The following CPAP variants were observed in gnomAD, a reference collection of about 807,000 sequenced individuals.
CPAP encodes the protein centrosomal P4.1-associated protein.
chr13:24,913,492 T>G, the CPAP span, among the ~76,000 whole-genome samples: 1 of 152,162 alleles, frequency 6.6e-6, no homozygotes, highest in South Asian at 2.1e-4. Context: ...GGTGAACCTG[T>G]TTTCTCCCTA....
chr13:24,919,485 T>G, the CPAP span, among the ~76,000 whole-genome samples: 1 of 152,000 alleles, frequency 6.6e-6, no homozygotes, highest in Non-Finnish European at 1.5e-5. Flanking sequence ...AGTGGCATGA[T>G]CACGGCTCAG....
chr13:24,896,449 A>G, the CPAP span, among the ~76,000 whole-genome samples: 1 of 152,258 alleles, frequency 6.6e-6, no homozygotes, highest in Non-Finnish European at 1.5e-5. Context: ...CTGGAAATGT[A>G]GCTAATGGGA....
At chr13:24,914,197 G>A in the CPAP span, among the ~76,000 whole-genome samples, 1 of 152,174 alleles carries the variant, frequency 6.6e-6, no homozygotes, top group Admixed American at 6.5e-5. Context: ...CCAAGGGATG[G>A]AGAAGGTACA....
chr13:24,907,312 T>C, the CPAP span: 1 of 776,004 alleles, frequency 1.3e-6, no homozygotes, highest in Non-Finnish European at 2.2e-6. Flanking sequence ...CCAAAATCAG[T>C]GCCTCCCTTT....
the CPAP span, chr13:24,906,449 G>T: frequency 1.2e-6 from 2 of 1,614,186 alleles, no homozygotes. Context: ...GGCCGGCCCT[G>T]TTGAAAGAGG....
the CPAP span, chr13:24,903,888 A>T: frequency 6.2e-7 from 1 of 1,604,972 alleles, no homozygotes; most frequent in African/African-American, 1.3e-5. Flanking sequence ...TAACTGAGTC[A>T]CTGCATATTT....
the CPAP span, among the ~76,000 whole-genome samples, chr13:24,884,762 TTC>T: frequency 6.6e-6 from 1 of 152,204 alleles, no homozygotes; most frequent in Non-Finnish European, 1.5e-5. Flanking sequence ...TTCTTTGTCC[TTC>T]TCTCATTCCT....
the CPAP span, chr13:24,882,775 C>CA: frequency 5.3e-6 from 1 of 190,332 alleles, no homozygotes. Context: ...GCTACAGAGA[C>CA]ACGTGTTTAC....
chr13:24,906,486 T>A, the CPAP span: 1 of 1,614,230 alleles, frequency 6.2e-7, no homozygotes, highest in Non-Finnish European at 8.5e-7. Context: ...TGTGTCTTAT[T>A]CCACCCTGTG....
At chr13:24,897,763 C>T in the CPAP span, among the ~76,000 whole-genome samples, 3 of 152,136 alleles carry the variant, frequency 2.0e-5, no homozygotes, top group South Asian at 2.1e-4. Context: ...CTGGCTGCCT[C>T]GAGAGGTGAA....
the CPAP span, among the ~76,000 whole-genome samples, chr13:24,925,210 C>G: frequency 6.6e-6 from 1 of 152,166 alleles, no homozygotes; most frequent in Non-Finnish European, 1.5e-5. Flanking sequence ...CTCGTAGGCT[C>G]AAGCAGTCCT....
the CPAP span, chr13:24,903,788 T>C: frequency 2.0e-6 from 2 of 1,006,444 alleles, no homozygotes. Context: ...TAAAAAAAAC[T>C]TATATGATAC....
At chr13:24,895,622 A>C in the CPAP span, among the ~76,000 whole-genome samples, 1 of 152,220 alleles carries the variant, frequency 6.6e-6, no homozygotes, top group Non-Finnish European at 1.5e-5. Flanking sequence ...AAGAAAGCCA[A>C]AACCAAACAG....
the CPAP span, chr13:24,905,423 G>C: frequency 1.3e-5 from 21 of 1,614,040 alleles, no homozygotes; most frequent in African/African-American, 2.4e-4. Context: ...TGGTTTCAAA[G>C]AAGGAAAGAA....
At chr13:24,883,775 C>CA in the CPAP span, among the ~76,000 whole-genome samples, 3 of 151,954 alleles carry the variant, frequency 2.0e-5, no homozygotes, top group Non-Finnish European at 4.4e-5. Context: ...AAGAATGGAA[C>CA]AAAAAAGGAG....
At chr13:24,886,420 A>G in the CPAP span, 1 of 1,221,458 alleles carries the variant, frequency 8.2e-7, no homozygotes, top group East Asian at 5.7e-5. Context: ...ACACCATGGG[A>G]AATCACTGAT....
the CPAP span, among the ~76,000 whole-genome samples, chr13:24,903,009 T>G: frequency 6.6e-6 from 1 of 152,206 alleles, no homozygotes; most frequent in Non-Finnish European, 1.5e-5. Flanking sequence ...TAAAAAGTAC[T>G]AGTATGTTCC....
At chr13:24,923,244 GTTT>G in the CPAP span, among the ~76,000 whole-genome samples, 2 of 146,460 alleles carry the variant, frequency 1.4e-5, no homozygotes, top group African/African-American at 2.5e-5. Context: ...TTTGGGTTTT[GTTT>G]TTTTTTTTTC....
the CPAP span, among the ~76,000 whole-genome samples, chr13:24,927,430 G>A: frequency 1.3e-5 from 2 of 152,182 alleles, no homozygotes; most frequent in Non-Finnish European, 2.9e-5. Context: ...ATAAAGTCTG[G>A]TAAATGGAGA....
Sources: allele counts gnomAD v4.1 joint callset (sites outside exome capture counted in the v4.1 genomes callset), GRCh38; gene constraint gnomAD v4.1.1; transcripts MANE v1.5; gene names NCBI Gene and HGNC (gene_info 2026-07-23, HGNC 2026-07-21).